The following CLOCK variants were observed in gnomAD, a reference collection of about 807,000 sequenced individuals.
CLOCK encodes clock circadian regulator, also known as circadian locomoter output cycles protein kaput.
Under a neutral mutation model 118.4 loss-of-function variants are expected in CLOCK, and 43 were observed. That is an observed-to-expected ratio of 0.36 (90% CI 0.28 to 0.47). CLOCK has a LOEUF of 0.47. CLOCK is among the 20% of genes least tolerant of loss of function. The pLI is 1.00. For synonymous variants in CLOCK, 326 were observed against 339.2 expected, an observed-to-expected ratio of 0.96 and a Z score of 0.43; for missense variants, 846 against 999.9, an observed-to-expected ratio of 0.85 and a Z score of 2.08.
At chr4:55,475,931 A>C in intron 7 of CLOCK, 32 bp downstream of exon 7, 1 of 1,493,574 alleles carries the variant, frequency 6.7e-7, no homozygotes, top group South Asian at 1.1e-5. Context: ...TTTGAGGAAA[A>C]TAAAACTTTC....
chr4:55,459,408 A>C, intron 9 of CLOCK, 147 bp from the exon 10 acceptor site: 1 of 639,924 alleles, frequency 1.6e-6, no homozygotes, highest in Non-Finnish European at 2.8e-6. Flanking sequence ...AGTTCATAAA[A>C]GTAGAGCACC....
intron 11 of CLOCK, among the ~76,000 whole-genome samples, chr4:55,457,005 T>C (rs887819752): frequency 6.6e-6 from 1 of 152,184 alleles, no homozygotes; most frequent in Non-Finnish European, 1.5e-5. Context: ...TATATTTTAA[T>C]TTTCCAGTAC....
At chr4:55,483,382 G>A (rs1727064565) in intron 3 of CLOCK, among the ~76,000 whole-genome samples, 2 of 152,188 alleles carry the variant, frequency 1.3e-5, no homozygotes, top group South Asian at 2.1e-4. Flanking sequence ...GAGGGGAAAC[G>A]AGGAAATATT....
rs900287876 is a variant in CLOCK at position 55,432,773 on chromosome 4, A to G, written c.*2642T>C. On this transcript the variant is annotated 3_prime_UTR_variant, in exon 23 of 23. Coordinates refer to ENST00000513440, the MANE Select transcript of CLOCK (RefSeq NM_004898.4). The stretch of plus-strand genomic sequence containing the variant: ...AGCTAGCTGCTCCTTTAAATTAGCA[A>G]TGGTTAATTCTAAGCAGGAAAAGAT... The G allele has an allele frequency of 6.6e-6, 1 of 152,132 alleles. No individual in the cohort carries two copies. Among genetic ancestry groups the G allele is most frequent in the African/African-American group, 2.4e-5 (1 of 41,438 alleles). 9.4% of individuals were successfully genotyped at this position (152,132 alleles called of 1,614,324 possible).
rs376173137 is a variant in CLOCK, at chr4:55,448,763, A to G, written c.1539+16T>C. ...TCATATTCAAATACGCAACTGAAAC[A>G]AAAACCAAAAAGTACCTGGGACATG... On this transcript the variant is annotated intron_variant, in intron 18 of 22. Transcript: ENST00000513440. The G allele has an allele frequency of 6.2e-6, 10 of 1,609,150 alleles. No homozygotes were observed. The Middle Eastern group carries it at 4.9e-4, about 79-fold the overall frequency.
chr4:55,517,142 G>A (rs1014819539), intron 1 of CLOCK, among the ~76,000 whole-genome samples: 2 of 152,122 alleles, frequency 1.3e-5, no homozygotes, highest in African/African-American at 4.8e-5. Context: ...CTGTTAATGT[G>A]GTGGATCACA....
chr4:55,522,199 T>C (rs542188834), intron 1 of CLOCK, among the ~76,000 whole-genome samples: 2 of 152,268 alleles, frequency 1.3e-5, no homozygotes, highest in African/African-American at 2.4e-5. Context: ...CCTTCATATC[T>C]ATAGAGGAGA....
At chr4:55,497,010 G>A (rs896390277) in intron 2 of CLOCK, among the ~76,000 whole-genome samples, 2 of 152,172 alleles carry the variant, frequency 1.3e-5, no homozygotes, top group African/African-American at 4.8e-5. Context: ...GGTACTATGT[G>A]CTTCCTATGG....
intron 21 of CLOCK, 136 bp from the exon 22 acceptor site, chr4:55,438,673 A>G: frequency 7.7e-7 from 1 of 1,298,088 alleles, no homozygotes; most frequent in East Asian, 2.5e-5. Context: ...GTATATTCCT[A>G]CTTTGTTTCA....
At chr4:55,483,395 T>A (rs1333602863) in intron 3 of CLOCK, among the ~76,000 whole-genome samples, 1 of 152,238 alleles carries the variant, frequency 6.6e-6, no homozygotes, top group Non-Finnish European at 1.5e-5. Flanking sequence ...GAAATATTCT[T>A]GATGACAGTA....
rs758546147 is a variant in CLOCK, at chr4:55,456,174, T to C, written c.875+44A>G. ...TGATCCATTAATTTCAAGAATTATA[T>C]AACATGACTATTACCTTTTCATGGA... On this transcript the variant is annotated intron_variant, in intron 12 of 22. Transcript: ENST00000513440. 6.3e-6 allele frequency: 9 copies of C among 1,428,484 alleles called. No homozygotes were observed. In the East Asian group the frequency reaches 2.1e-4, roughly 33 times the overall value. 88.5% of individuals were successfully genotyped at this position (1,428,484 alleles called of 1,614,324 possible). A position where few individuals can be genotyped will look rare whatever the true frequency, so the allele number is the denominator to read the frequency against.
In CLOCK at chr4:55,527,449, C is replaced by T. The variant is rs1385245976; in HGVS notation, c.-289-17384G>A. Among the ~76,000 whole-genome samples the T allele has an allele frequency of 2.6e-5, 4 of 152,198 alleles. No individual in the cohort carries two copies. The East Asian group carries it at 7.7e-4, about 29-fold the overall frequency. On this transcript the variant is annotated intron_variant, in intron 1 of 22. Transcript: ENST00000513440. ...GAGAACAAAACTATACAACACATAG[C>T]TTGCCCATATATTTTCTATCAAAGG...
Position 55,449,377 on chromosome 4 carries a change from T to C in CLOCK, c.1449+19A>G, listed in dbSNP as rs764588132. 8 of 1,581,974 alleles carry C rather than the reference T, an allele frequency of 5.1e-6. No individual in the cohort carries two copies. The highest frequency in any genetic ancestry group is 4.5e-5 in the East Asian group (2 of 44,642). ...CTTAATAAATCTTTATTCAGAAGAA[T>C]ATCCACTAAAGAGCTTACCTGACTA... is the stretch of plus-strand genomic sequence containing the variant. On this transcript the variant is annotated intron_variant, in intron 17 of 22. Coordinates refer to ENST00000513440, the MANE Select transcript of CLOCK (RefSeq NM_004898.4).
chr4:55,454,500 A>C (rs1422380451), intron 13 of CLOCK, among the ~76,000 whole-genome samples: 1 of 150,586 alleles, frequency 6.6e-6, no homozygotes, highest in Non-Finnish European at 1.5e-5. Flanking sequence ...CTGTAATCCC[A>C]GCTACTCACG....
chr4:55,459,037 T>C, intron 10 of CLOCK, 27 bp from the exon 11 acceptor site: 1 of 1,574,374 alleles, frequency 6.4e-7, no homozygotes, highest in Non-Finnish European at 8.7e-7. Context: ...ATATGTATCA[T>C]CAGTTATGCC....
At chr4:55,514,055 A>G (rs1729328122) in intron 1 of CLOCK, among the ~76,000 whole-genome samples, 1 of 152,270 alleles carries the variant, frequency 6.6e-6, no homozygotes, top group South Asian at 2.1e-4. Flanking sequence ...TCTTGCAAAC[A>G]AAATGAGTTT....
Position 55,430,137 on chromosome 4 carries a change from T to G in CLOCK, c.*5278A>C, listed in dbSNP as rs986691034. 2 of 152,234 alleles carry G rather than the reference T, an allele frequency of 1.3e-5. No homozygotes were observed. The highest frequency in any genetic ancestry group is 2.4e-5 in the African/African-American group (1 of 41,462). The allele number at this position is 152,234 out of a possible 1,614,324, so 9.4% of individuals were successfully genotyped here. A position where few individuals can be genotyped will look rare whatever the true frequency, so the allele number is the denominator to read the frequency against. On this transcript the variant is annotated 3_prime_UTR_variant, in exon 23 of 23. Coordinates refer to ENST00000513440, the MANE Select transcript of CLOCK (RefSeq NM_004898.4). Reference sequence around the variant, plus strand: ...GAGAACTGCTTTAAAAGCAATTGCTTCTTTGAACCCCTTTCTAAATTCTTT... The same window carrying G: ...GAGAACTGCTTTAAAAGCAATTGCTGCTTTGAACCCCTTTCTAAATTCTTT...
At chr4:55,496,503 T>G (rs908901600) in intron 2 of CLOCK, among the ~76,000 whole-genome samples, 1 of 152,220 alleles carries the variant, frequency 6.6e-6, no homozygotes, top group Non-Finnish European at 1.5e-5. Flanking sequence ...TATACACTTA[T>G]CATATTGATA....
chr4:55,478,351 A>G (rs1726674624), intron 6 of CLOCK, among the ~76,000 whole-genome samples: 1 of 151,924 alleles, frequency 6.6e-6, no homozygotes, highest in Non-Finnish European at 1.5e-5. Flanking sequence ...TACACCCATA[A>G]TTTTCCAACA....
Sources: allele counts gnomAD v4.1 joint callset (sites outside exome capture counted in the v4.1 genomes callset), GRCh38; gene constraint gnomAD v4.1.1; transcripts MANE v1.5; gene names NCBI Gene and HGNC (gene_info 2026-07-23, HGNC 2026-07-21).